Variants in OR3A2 observed in about 807,000 individuals in gnomAD.
The protein encoded by OR3A2 is olfactory receptor 3A2.
For synonymous variants in OR3A2, 126 were observed against 159.3 expected, an observed-to-expected ratio of 0.79 and a Z score of 1.57; for missense variants, 318 against 392.8, an observed-to-expected ratio of 0.81 and a Z score of 1.61.
chr17:3,305,753 TAC>T (rs1241185214), intron 3 of OR3A2, among the ~76,000 whole-genome samples: 2 of 152,246 alleles, frequency 1.3e-5, no homozygotes, highest in Non-Finnish European at 2.9e-5. Context: ...TTAAATATCA[TAC>T]CTTTTGTAAT....
rs2049045285 is a variant in OR3A2, at chr17:3,311,636, T to C, written c.-85+24397A>G. The C allele has an allele frequency of 2.9e-6, 1 of 343,558 alleles. No homozygotes were observed. Among genetic ancestry groups the C allele is most frequent in the Non-Finnish European group, 5.9e-6 (1 of 168,076 alleles). The allele number at this position is 343,558 out of a possible 1,614,324, so 21.3% of individuals were successfully genotyped here. A position where few individuals can be genotyped will look rare whatever the true frequency, so the allele number is the denominator to read the frequency against. On this transcript the variant is annotated intron_variant, in intron 3 of 4. Coordinates refer to the OR3A2 transcript ENST00000573491. This position sits in a 1 kb window ranked among gnomAD's most constrained non-coding sequence, Gnocchi z 4.6. ...ATAGGAGTGATCCCCATGATCTTTA[T>C]CTCAGTGTCCTATGCCCACGTCACA...
rs181037893 is a variant in OR3A2, at chr17:3,313,796, C to T, written c.-85+22237G>A. On this transcript the variant is annotated intron_variant, in intron 3 of 4. Coordinates refer to the OR3A2 transcript ENST00000573491. ...AGCTAGGTTATAATCTCCTTAAGGACGGGATCCATGTCTTATATTATGTCT... is the reference window on the plus strand; with the variant it reads ...AGCTAGGTTATAATCTCCTTAAGGATGGGATCCATGTCTTATATTATGTCT... Among the ~76,000 whole-genome samples, 901 of 152,288 alleles carry T rather than the reference C, an allele frequency of 5.9e-3. 1 individual carries two copies. The highest frequency in any genetic ancestry group is 9.7e-3 in the Non-Finnish European group (660 of 68,026).
At chr17:3,335,329 T>C (rs1243102191) in intron 3 of OR3A2, among the ~76,000 whole-genome samples, 2 of 152,204 alleles carry the variant, frequency 1.3e-5, no homozygotes, top group African/African-American at 2.4e-5. Flanking sequence ...TTGATATTTC[T>C]TTGTGCCTTC....
Position 3,386,159 on chromosome 17 carries a change from C to T in OR3A2, c.-309G>A. ...GTGGACGTCTGCTTTACCACCGTCA[C>T]GGTCCCCAGGCTGCTGGCCGGCCTG... On this transcript the variant is annotated 5_prime_UTR_variant, in exon 1 of 5. It adds an upstream start codon to the 5' untranslated region. Transcript: ENST00000573491. The T allele has an allele frequency of 5.0e-6, 2 of 398,904 alleles. 1 individual carries two copies. Among genetic ancestry groups the T allele is most frequent in the South Asian group, 2.5e-4 (2 of 7,850 alleles). 24.7% of individuals were successfully genotyped at this position (398,904 alleles called of 1,614,324 possible).
chr17:3,349,775 C>G (rs372782089), intron 2 of OR3A2, among the ~76,000 whole-genome samples: 7 of 151,604 alleles, frequency 4.6e-5, no homozygotes, highest in South Asian at 2.1e-4. Flanking sequence ...TGACCACATA[C>G]TTGGAAGTAA....
At chr17:3,317,866 ACACTAGCCCT>A (rs1301783984) in intron 3 of OR3A2, among the ~76,000 whole-genome samples, 1 of 151,982 alleles carries the variant, frequency 6.6e-6, no homozygotes, top group African/African-American at 2.4e-5. Context: ...CCTTTGTACC[ACACTAGCCCT>A]CACTTTCCAT....
At chr17:3,332,751 C>T (rs966055065) in intron 3 of OR3A2, among the ~76,000 whole-genome samples, 2 of 152,180 alleles carry the variant, frequency 1.3e-5, no homozygotes, top group Non-Finnish European at 2.9e-5. Flanking sequence ...TTACTGCAAT[C>T]TCCGAACATA....
chr17:3,304,215 T>C (rs2048986000), intron 3 of OR3A2, among the ~76,000 whole-genome samples: 1 of 152,036 alleles, frequency 6.6e-6, no homozygotes, highest in Admixed American at 6.6e-5. Context: ...CCTTATAGTG[T>C]TTTTCTCTCC....
At chr17:3,380,002 C>T (rs2049720168) in intron 2 of OR3A2, among the ~76,000 whole-genome samples, 1 of 152,182 alleles carries the variant, frequency 6.6e-6, no homozygotes, top group African/African-American at 2.4e-5. Context: ...TCAGAGGCCA[C>T]CATAACTCTC....
At chr17:3,356,672 C>T (rs780373684) in intron 2 of OR3A2, among the ~76,000 whole-genome samples, 1 of 151,518 alleles carries the variant, frequency 6.6e-6, no homozygotes, top group African/African-American at 2.4e-5. Flanking sequence ...ACAAACCTAG[C>T]ATCCAGATCA....
At chr17:3,276,142 CATT>C (rs368145044), downstream of OR3A2, among the ~76,000 whole-genome samples, 2 of 143,164 alleles carry the variant, frequency 1.4e-5, no homozygotes, top group African/African-American at 2.6e-5. Flanking sequence ...TTCATCACAA[CATT>C]GTTGTTGCAA....
chr17:3,304,804 G>C (rs6502717), intron 3 of OR3A2, among the ~76,000 whole-genome samples: 1 of 151,958 alleles, frequency 6.6e-6, no homozygotes, highest in African/African-American at 2.4e-5. Flanking sequence ...ATATTCATAC[G>C]ATGGAATACT....
chr17:3,276,116 G>GA (rs1401659873), downstream of OR3A2, among the ~76,000 whole-genome samples: 44 of 118,596 alleles, frequency 3.7e-4, no homozygotes, highest in African/African-American at 9.2e-4. Flanking sequence ...GAAAAAAAAA[G>GA]AAAAAAAAAA....
chr17:3,375,230 C>CT (rs557025875), intron 2 of OR3A2, among the ~76,000 whole-genome samples: 11 of 9,358 alleles, frequency 1.2e-3, no homozygotes, highest in African/African-American at 1.4e-3. Flanking sequence ...TTTTTTTTTT[C>CT]TTTTTTTTTT....
intron 2 of OR3A2, among the ~76,000 whole-genome samples, chr17:3,370,530 C>G (rs932249884): frequency 7.2e-5 from 11 of 151,876 alleles, no homozygotes; most frequent in South Asian, 2.1e-4. Flanking sequence ...TAATTCTGCT[C>G]TGATCTTTGT....
intron 3 of OR3A2, among the ~76,000 whole-genome samples, chr17:3,306,881 G>T (rs1597330084): frequency 6.6e-6 from 1 of 152,096 alleles, no homozygotes; most frequent in East Asian, 1.9e-4. Context: ...CAAAAATTGG[G>T]TTTATAGAGT....
chr17:3,330,191 G>A (rs1418052488), intron 3 of OR3A2, among the ~76,000 whole-genome samples: 1 of 151,340 alleles, frequency 6.6e-6, no homozygotes, highest in Non-Finnish European at 1.5e-5. Flanking sequence ...ATATTCTGTT[G>A]ATTTGGGGTG....
Position 3,296,881 on chromosome 17 carries a change from A to G in OR3A2, c.-84-17728T>C, listed in dbSNP as rs148964028. ...AATTGTGTTAAACTTTCAAGGAATC[A>G]TTTTTTCCAATGTTACTTGACTGTA... On this transcript the variant is annotated intron_variant, in intron 3 of 4. Coordinates refer to the OR3A2 transcript ENST00000573491. 3.0e-3 allele frequency among the ~76,000 whole-genome samples: 452 copies of G among 152,286 alleles called. 1 individual carries two copies. The highest frequency in any genetic ancestry group is 0.017 in the Middle Eastern group (5 of 294).
At chr17:3,301,252 G>A (rs9901436) in intron 3 of OR3A2, among the ~76,000 whole-genome samples, 25,262 of 152,064 alleles carry the variant, frequency 0.17, 2,996 homozygotes, top group African/African-American at 0.33. Flanking sequence ...TTCTAGTTCC[G>A]TGAGGAATCG....
Sources: gnomAD v4.1 joint callset for allele counts (sites outside exome capture counted in the v4.1 genomes callset) on GRCh38, gnomAD v4.1.1 for gene constraint, Gnocchi (gnomAD v3.1) non-coding constraint, MANE v1.5 for transcripts, NCBI Gene and HGNC (gene_info 2026-07-23, HGNC 2026-07-21) for gene names.